The following FAT3 variants were observed in gnomAD, a reference collection of about 807,000 sequenced individuals.
The protein encoded by FAT3 is FAT atypical cadherin 3.
Under a neutral mutation model 310.2 loss-of-function variants are expected in FAT3, and 95 were observed. That is an observed-to-expected ratio of 0.31 (90% CI 0.26 to 0.36). The LOEUF (loss-of-function observed/expected upper bound fraction) is 0.36, where lower values mean the gene tolerates loss of function less well. Among genes scored for constraint, FAT3 ranks in the 10% least tolerant of loss-of-function variants. The pLI, the probability that FAT3 is intolerant of heterozygous loss-of-function variation, is 1.00. For synonymous variants in FAT3, 2,314 were observed against 2,192.9 expected (o/e 1.06, Z -1.54); for missense variants, 5,408 against 5,715.6 (o/e 0.95, Z 1.74).
At chr11:92,266,306 C>T (rs1591028453) in intron 1 of FAT3, among the ~76,000 whole-genome samples, 3 of 152,218 alleles carry the variant, frequency 2.0e-5, no homozygotes, top group East Asian at 1.9e-4. Flanking sequence ...TAAATACCCT[C>T]GACAATGTAT....
intron 15 of FAT3, 31 bp from the exon 16 acceptor site, chr11:92,836,535 C>A (rs1565636460): frequency 2.5e-6 from 4 of 1,608,540 alleles, no homozygotes; most frequent in Non-Finnish European, 3.4e-6. Flanking sequence ...TATGTCATGT[C>A]TTTTCTTTGT....
At chr11:92,426,959 CTT>C (rs1347738512) in intron 2 of FAT3, among the ~76,000 whole-genome samples, 5 of 152,096 alleles carry the variant, frequency 3.3e-5, no homozygotes, top group African/African-American at 1.2e-4. Flanking sequence ...CTATAAATCA[CTT>C]TGGGTAGTAT....
intron 3 of FAT3, among the ~76,000 whole-genome samples, chr11:92,615,386 A>G (rs1940753287): frequency 6.6e-6 from 1 of 152,132 alleles, no homozygotes; most frequent in South Asian, 2.1e-4. Flanking sequence ...AGCTGGGGTT[A>G]CAGGCACCCA....
chr11:92,449,821 A>G (rs1951312245), intron 2 of FAT3, among the ~76,000 whole-genome samples: 1 of 152,210 alleles, frequency 6.6e-6, no homozygotes, highest in African/African-American at 2.4e-5. Flanking sequence ...ACGATATTTT[A>G]TATAAATTAT....
At chr11:92,486,939 T>C (rs950791788) in intron 2 of FAT3, among the ~76,000 whole-genome samples, 12 of 152,234 alleles carry the variant, frequency 7.9e-5, no homozygotes, top group Non-Finnish European at 7.4e-5. Flanking sequence ...TTCTCAAATA[T>C]TGGGGAGCCT....
chr11:92,373,861 G>A (rs368577589), intron 2 of FAT3, among the ~76,000 whole-genome samples: 1 of 151,470 alleles, frequency 6.6e-6, no homozygotes, highest in East Asian at 1.9e-4. Context: ...TTAATTAGGG[G>A]GATTGGCTCA....
chr11:92,763,320 G>C (rs907746244), intron 5 of FAT3, among the ~76,000 whole-genome samples: 3 of 152,082 alleles, frequency 2.0e-5, no homozygotes, highest in African/African-American at 7.2e-5. Flanking sequence ...TATGTGTCCA[G>C]AACAGTGGGC....
chr11:92,405,679 A>G (rs375930841), intron 2 of FAT3, among the ~76,000 whole-genome samples: 11 of 152,178 alleles, frequency 7.2e-5, no homozygotes, highest in Admixed American at 2.0e-4. Context: ...TGGGACTAGG[A>G]GCTTGAAGCT....
intron 3 of FAT3, among the ~76,000 whole-genome samples, chr11:92,537,480 C>G (rs1211506323): frequency 6.6e-6 from 1 of 152,092 alleles, no homozygotes; most frequent in African/African-American, 2.4e-5. Flanking sequence ...TGTACTGACC[C>G]CCAGTCTTTC....
intron 9 of FAT3, among the ~76,000 whole-genome samples, chr11:92,793,501 G>C (rs1263172416): frequency 6.6e-6 from 1 of 152,132 alleles, no homozygotes; most frequent in Non-Finnish European, 1.5e-5. Flanking sequence ...TGAACTGCTT[G>C]CTGAACCTGA....
intron 22 of FAT3, among the ~76,000 whole-genome samples, chr11:92,872,914 CATG>C (rs1456792241): frequency 6.6e-6 from 1 of 152,208 alleles, no homozygotes; most frequent in Non-Finnish European, 1.5e-5. Flanking sequence ...TAGAATCTCA[CATG>C]ATAACCTATC....
intron 3 of FAT3, among the ~76,000 whole-genome samples, chr11:92,598,024 C>G (rs1939803571): frequency 6.6e-6 from 1 of 151,816 alleles, no homozygotes. Context: ...ATGTTGCTGG[C>G]TTTTTCTTTT....
chr11:92,280,731 C>G (rs1262880330), intron 1 of FAT3, among the ~76,000 whole-genome samples: 1 of 152,152 alleles, frequency 6.6e-6, no homozygotes, highest in East Asian at 1.9e-4. Flanking sequence ...TCTCCAGCTT[C>G]GTCTTTATTA....
intron 4 of FAT3, among the ~76,000 whole-genome samples, chr11:92,745,754 A>G (rs998996595): frequency 2.6e-5 from 4 of 152,208 alleles, no homozygotes; most frequent in African/African-American, 9.6e-5. Flanking sequence ...GTTTAAACAC[A>G]GGGAAGAAAA....
At chr11:92,345,353 A>G (rs1292863981) in intron 1 of FAT3, among the ~76,000 whole-genome samples, 2 of 152,216 alleles carry the variant, frequency 1.3e-5, no homozygotes, top group Middle Eastern at 3.2e-3. Flanking sequence ...AAAGATACAC[A>G]TAAGTAACTA....
intron 2 of FAT3, among the ~76,000 whole-genome samples, chr11:92,380,233 A>G (rs914360604): frequency 3.3e-5 from 5 of 152,088 alleles, no homozygotes; most frequent in Non-Finnish European, 7.4e-5. Flanking sequence ...CAAGATTCCC[A>G]TTTGCAGTTG....
At chr11:92,803,953 C>T (rs1168600061) in intron 10 of FAT3, among the ~76,000 whole-genome samples, 1 of 152,198 alleles carries the variant, frequency 6.6e-6, no homozygotes, top group African/African-American at 2.4e-5. Flanking sequence ...GCATTATAAG[C>T]AAGAATGCAG....
At chr11:92,660,500 G>C (rs1942744813) in intron 3 of FAT3, among the ~76,000 whole-genome samples, 1 of 152,150 alleles carries the variant, frequency 6.6e-6, no homozygotes, top group Non-Finnish European at 1.5e-5. Context: ...TGTCTGCTGA[G>C]ATGTCCAAGA....
intron 2 of FAT3, among the ~76,000 whole-genome samples, chr11:92,505,066 G>C (rs959782017): frequency 2.6e-5 from 4 of 152,082 alleles, no homozygotes; most frequent in Non-Finnish European, 5.9e-5. Context: ...CATTCAGATG[G>C]TTCTGAGGTA....
Sources: gnomAD v4.1 joint callset for allele counts (sites outside exome capture counted in the v4.1 genomes callset) on GRCh38, gnomAD v4.1.1 for gene constraint, MANE v1.5 for transcripts, NCBI Gene and HGNC (gene_info 2026-07-23, HGNC 2026-07-21) for gene names.